RXFP1: variants seen among roughly 807,000 people sequenced by gnomAD.
The protein encoded by RXFP1 is relaxin receptor 1.
In RXFP1, 73 loss-of-function variants were observed where a neutral mutation model predicts 89.8. That is an observed-to-expected ratio of 0.81 (90% CI 0.67 to 0.99). RXFP1 has a LOEUF of 0.99. Among genes scored for constraint, RXFP1 ranks in the 50% least tolerant of loss-of-function variants. The pLI is 0.00. For synonymous variants in RXFP1, 277 were observed against 305.5 expected, an observed-to-expected ratio of 0.91 and a Z score of 0.97; for missense variants, 793 against 895.5, an observed-to-expected ratio of 0.89 and a Z score of 1.46.
intron 2 of RXFP1, among the ~76,000 whole-genome samples, chr4:158,580,027 C>G (rs974131636): frequency 1.3e-5 from 2 of 152,078 alleles, no homozygotes; most frequent in Non-Finnish European, 1.5e-5. Flanking sequence ...GGGAAAGACA[C>G]CAGGATGGTC....
chr4:158,606,737 C>T (rs1406034452), intron 5 of RXFP1, among the ~76,000 whole-genome samples: 1 of 151,664 alleles, frequency 6.6e-6, no homozygotes, highest in Non-Finnish European at 1.5e-5. Flanking sequence ...GCATGTGCCA[C>T]CACACCTGGC....
chr4:158,627,429 G>C (rs977490858), intron 10 of RXFP1, among the ~76,000 whole-genome samples: 2 of 150,618 alleles, frequency 1.3e-5, no homozygotes, highest in Non-Finnish European at 2.9e-5. Context: ...CATTTTTAAG[G>C]GAAACAGAAT....
At chr4:158,586,674 C>T (rs1758360276) in intron 2 of RXFP1, among the ~76,000 whole-genome samples, 1 of 152,116 alleles carries the variant, frequency 6.6e-6, no homozygotes, top group Non-Finnish European at 1.5e-5. Context: ...GCAACATTTC[C>T]CATGTTCTAT....
intron 2 of RXFP1, among the ~76,000 whole-genome samples, chr4:158,584,627 T>C (rs1397698416): frequency 1.3e-5 from 2 of 152,068 alleles, no homozygotes; most frequent in African/African-American, 4.8e-5. Flanking sequence ...GAGACATAAG[T>C]CCCTCAACCA....
At chr4:158,587,477 T>C (rs1270938504) in intron 2 of RXFP1, among the ~76,000 whole-genome samples, 1 of 152,202 alleles carries the variant, frequency 6.6e-6, no homozygotes, top group Admixed American at 6.5e-5. Context: ...TAAACTTTTT[T>C]ATAATTCACA....
intron 1 of RXFP1, among the ~76,000 whole-genome samples, chr4:158,561,458 A>G (rs1752405085): frequency 6.6e-6 from 1 of 152,176 alleles, no homozygotes; most frequent in Admixed American, 6.5e-5. Flanking sequence ...TGTATAAAGT[A>G]TATATGAAAC....
chr4:158,569,393 A>G (rs1463241563), intron 1 of RXFP1, among the ~76,000 whole-genome samples: 1 of 152,226 alleles, frequency 6.6e-6, no homozygotes, highest in Non-Finnish European at 1.5e-5. Flanking sequence ...AATGTATAAC[A>G]TCAACAGTGA....
intron 1 of RXFP1, among the ~76,000 whole-genome samples, chr4:158,546,569 A>G (rs1363507088): frequency 2.0e-5 from 3 of 152,198 alleles, no homozygotes; most frequent in Non-Finnish European, 4.4e-5. Context: ...TCTATTCAGT[A>G]TGATATTGGC....
At chr4:158,538,074 T>C (rs188672177) in intron 1 of RXFP1, among the ~76,000 whole-genome samples, 20 of 152,256 alleles carry the variant, frequency 1.3e-4, no homozygotes, top group Admixed American at 9.2e-4. Flanking sequence ...TGTTTGTAGG[T>C]CAAATTAAGT....
In RXFP1 at chr4:158,564,558, G is replaced by T. The variant is rs1415778733; in HGVS notation, c.50-8140G>T. 2.0e-5 allele frequency among the ~76,000 whole-genome samples: 3 copies of T among 152,258 alleles called. No individual in the cohort carries two copies. In the East Asian group the frequency reaches 5.8e-4, roughly 29 times the overall value. Reference sequence around the variant, plus strand: ...CTGTCAGTCTAAAGAGGATAGTTAAGATAATTTGTACTGAAATATAAACTC... The same window carrying T: ...CTGTCAGTCTAAAGAGGATAGTTAATATAATTTGTACTGAAATATAAACTC... On this transcript the variant is annotated intron_variant, in intron 1 of 17. Coordinates refer to ENST00000307765, the MANE Select transcript of RXFP1 (RefSeq NM_021634.4).
rs1159229200 is a variant in RXFP1 at position 158,633,415 on chromosome 4, A to G, written c.910A>G (p.Ser304Gly). Residue 304 changes from serine (S) to glycine (G), a missense_variant, in exon 12 of 18, where the codon AGT becomes GGT. Transcript: ENST00000307765. ...LQKLDELDLG[S>G]NKIENLPPLI... is the part of the protein sequence containing the mutation. ...CAATTATTTCTCCAGGGATTTAGGA[A>G]GTAATAAGATTGAAAATCTTCCACC... The G allele has an allele frequency of 3.2e-6, 5 of 1,583,656 alleles. No individual in the cohort carries two copies. In the South Asian group the frequency reaches 5.6e-5, roughly 18 times the overall value.
chr4:158,628,705 G>T lies in RXFP1; in HGVS notation c.895G>T (p.Glu299Ter). The T allele has an allele frequency of 1.3e-6, 2 of 1,555,208 alleles. No homozygotes were observed. Among genetic ancestry groups the T allele is most frequent in the South Asian group, 2.3e-5 (2 of 88,320 alleles). Residue 299 changes from glutamate (E) to a stop codon, truncating the protein, a stop_gained, in exon 11 of 18, where the codon GAA (glutamate) becomes TAA (stop). Coordinates refer to ENST00000307765, the MANE Select transcript of RXFP1 (RefSeq NM_021634.4). LOFTEE classifies it high-confidence loss of function. ...NTFAPLQKLDELDLGSNKIEN... is the reference protein window; with the variant it reads ...NTFAPLQKLD ...TTTTGCACCTCTCCAGAAACTGGATGAATTGTAAGTATGACTGAACATATA... is the reference window on the plus strand; with the variant it reads ...TTTTGCACCTCTCCAGAAACTGGATTAATTGTAAGTATGACTGAACATATA...
chr4:158,650,432 A>AATATATATATATATATATATATATAT (rs149845150), intron 17 of RXFP1, among the ~76,000 whole-genome samples: 25 of 145,466 alleles, frequency 1.7e-4, no homozygotes, highest in African/African-American at 6.3e-4. Context: ...AATATATATA[A>AATATATATATATATATATATATATAT]ATATATATAT....
chr4:158,652,324 A>AT lies in RXFP1; in HGVS notation c.*271dup. The AT allele has an allele frequency of 2.9e-6, 1 of 347,072 alleles. No homozygotes were observed. The highest frequency in any genetic ancestry group is 4.2e-5 in the South Asian group (1 of 23,818). 21.5% of individuals were successfully genotyped at this position (347,072 alleles called of 1,614,324 possible). A position where few individuals can be genotyped will look rare whatever the true frequency, so the allele number is the denominator to read the frequency against. On this transcript the variant is annotated 3_prime_UTR_variant, in exon 18 of 18. Coordinates refer to ENST00000307765, the MANE Select transcript of RXFP1 (RefSeq NM_021634.4). ...TCATTCATTTTTCTAACATGCATTT[A>AT]TTGAGTACCCACTACTATGTGCATA... is the stretch of plus-strand genomic sequence containing the variant.
intron 1 of RXFP1, 125 bp from the exon 2 acceptor site, chr4:158,572,573 A>G: frequency 1.2e-6 from 1 of 833,850 alleles, no homozygotes; most frequent in Non-Finnish European, 2.0e-6. Flanking sequence ...AACTGGCATC[A>G]GGGTTGTATG....
At chr4:158,612,977 G>A (rs1367562965) in intron 8 of RXFP1, among the ~76,000 whole-genome samples, 1 of 152,190 alleles carries the variant, frequency 6.6e-6, no homozygotes, top group East Asian at 1.9e-4. Context: ...TGTGGGTGTT[G>A]TTCCAGACCA....
intron 17 of RXFP1, among the ~76,000 whole-genome samples, chr4:158,649,047 A>G (rs1353727663): frequency 1.3e-5 from 2 of 152,170 alleles, no homozygotes; most frequent in Non-Finnish European, 2.9e-5. Flanking sequence ...CAGGAGGCAG[A>G]GGTGGCAGTG....
chr4:158,560,676 C>T (rs899937619), intron 1 of RXFP1, among the ~76,000 whole-genome samples: 2 of 152,270 alleles, frequency 1.3e-5, no homozygotes, highest in South Asian at 4.1e-4. Context: ...CTTGGTCTTG[C>T]CAGCACGTGT....
Position 158,643,467 on chromosome 4 carries a change from A to AGT in RXFP1, c.1116-1441_1116-1440dup, listed in dbSNP as rs1226411202. On this transcript the variant is annotated intron_variant, in intron 14 of 17. Coordinates refer to ENST00000307765, the MANE Select transcript of RXFP1 (RefSeq NM_021634.4). ...GAATGGGATTCCTGGATCATATGCT[A>AGT]GTTTTTTTTTTTTTTTTTTTGGAGA... 5.3e-3 allele frequency among the ~76,000 whole-genome samples: 295 copies of AGT among 56,014 alleles called. 4 individuals are homozygous for AGT. Among genetic ancestry groups the AGT allele is most frequent in the African/African-American group, 0.012 (285 of 23,582 alleles). 36.7% of individuals were successfully genotyped at this position (56,014 alleles called of 152,430 possible).
Sources: allele counts gnomAD v4.1 joint callset (sites outside exome capture counted in the v4.1 genomes callset), GRCh38; gene constraint gnomAD v4.1.1; transcripts MANE v1.5; gene names NCBI Gene and HGNC (gene_info 2026-07-23, HGNC 2026-07-21).